Variants in ULK4 observed in about 807,000 individuals in gnomAD.
The protein encoded by ULK4 is inactive serine/threonine-protein kinase ULK4.
ULK4 carries 133 observed loss-of-function variants against 160.6 expected under a neutral mutation model. The ratio of observed to expected loss-of-function variants is 0.83; its 90% confidence interval spans 0.72 to 0.96. ULK4 has a LOEUF of 0.96. Ranked by LOEUF, ULK4 falls within the 40% of genes least tolerant of loss-of-function variation. ULK4 has a pLI of 0.00. For synonymous variants in ULK4, 534 were observed against 539.8 expected, an observed-to-expected ratio of 0.99 and a Z score of 0.15; for missense variants, 1,580 against 1,499.5, an observed-to-expected ratio of 1.05 and a Z score of -0.89.
intron 34 of ULK4, among the ~76,000 whole-genome samples, chr3:41,421,988 A>G (rs1259982084): frequency 2.0e-5 from 3 of 151,740 alleles, no homozygotes; most frequent in South Asian, 4.2e-4. Context: ...TTTTCTTTTG[A>G]TAAGAACTAA....
intron 35 of ULK4, among the ~76,000 whole-genome samples, chr3:41,281,754 C>T (rs1409510045): frequency 6.6e-6 from 1 of 152,186 alleles, no homozygotes; most frequent in Admixed American, 6.5e-5. Flanking sequence ...ACAAGGATGC[C>T]CTCTCTCACC....
At position 41,564,449 on chromosome 3, in the gene ULK4, CTTTTTTTT is replaced by C. The variant is rs71075476; in HGVS notation, c.3226+1568_3226+1575del. 2.2e-3 allele frequency among the ~76,000 whole-genome samples: 182 copies of C among 80,966 alleles called. No individual in the cohort carries two copies. In the Middle Eastern group the frequency reaches 0.027, roughly 12 times the overall value. The allele number at this position is 80,966 out of a possible 152,430, so 53.1% of individuals were successfully genotyped here. ...GACAGGGACGTTTCTTCTTCTTCTT[CTTTTTTTT>C]TTTTTTTTTTTTTTTTTTGAGACAG... On this transcript the variant is annotated intron_variant, in intron 32 of 36. Coordinates refer to ENST00000301831, the MANE Select transcript of ULK4 (RefSeq NM_017886.4).
At chr3:41,271,353 A>T (rs2079135144) in intron 35 of ULK4, among the ~76,000 whole-genome samples, 2 of 148,210 alleles carry the variant, frequency 1.3e-5, no homozygotes, top group Admixed American at 1.3e-4. Flanking sequence ...AACCATAATT[A>T]TTTTGAGATT....
chr3:41,720,084 T>A (rs1484579248), intron 22 of ULK4, among the ~76,000 whole-genome samples: 1 of 152,212 alleles, frequency 6.6e-6, no homozygotes, highest in Non-Finnish European at 1.5e-5. Context: ...TCTATGGTAC[T>A]GTCTCATAGC....
chr3:41,364,280 G>A (rs773623202), intron 35 of ULK4, among the ~76,000 whole-genome samples: 1 of 151,986 alleles, frequency 6.6e-6, no homozygotes, highest in Admixed American at 6.6e-5. Context: ...TTAACTATCC[G>A]GAAGGGCTCA....
chr3:41,958,514 CAACATGGTG>C (rs1248579733), intron 1 of ULK4, among the ~76,000 whole-genome samples: 1 of 142,966 alleles, frequency 7.0e-6, no homozygotes, highest in Admixed American at 7.0e-5. Context: ...CCAGGCTGGC[CAACATGGTG>C]AAACCTCATC....
chr3:41,577,741 A>T (rs1174654607), intron 31 of ULK4, among the ~76,000 whole-genome samples: 1 of 152,232 alleles, frequency 6.6e-6, no homozygotes, highest in Non-Finnish European at 1.5e-5. Flanking sequence ...GAATATAAAG[A>T]GGAGGGTCAG....
At chr3:41,770,020 T>C (rs2039300512) in intron 21 of ULK4, among the ~76,000 whole-genome samples, 1 of 152,208 alleles carries the variant, frequency 6.6e-6, no homozygotes, top group Non-Finnish European at 1.5e-5. Flanking sequence ...TCTAAAATTG[T>C]TTTTGGATTG....
At chr3:41,505,108 C>T (rs1462910981) in intron 32 of ULK4, among the ~76,000 whole-genome samples, 2 of 152,140 alleles carry the variant, frequency 1.3e-5, no homozygotes, top group Non-Finnish European at 2.9e-5. Context: ...AAGCTACTAT[C>T]TGCATATATA....
chr3:41,667,574 G>C (rs1054318377), intron 29 of ULK4, among the ~76,000 whole-genome samples: 3 of 152,146 alleles, frequency 2.0e-5, no homozygotes, highest in Non-Finnish European at 2.9e-5. Context: ...ATGGCCTCAG[G>C]GAAGACTAAC....
chr3:41,947,813 T>C (rs1184418054), intron 2 of ULK4, among the ~76,000 whole-genome samples: 1 of 152,150 alleles, frequency 6.6e-6, no homozygotes, highest in Non-Finnish European at 1.5e-5. Context: ...TCACCTTTCT[T>C]ACCAGATCAT....
intron 32 of ULK4, among the ~76,000 whole-genome samples, chr3:41,511,942 G>C (rs2125924728): frequency 6.6e-6 from 1 of 152,214 alleles, no homozygotes; most frequent in African/African-American, 2.4e-5. Context: ...CGATCAAGTG[G>C]GTTTCATACC....
intron 30 of ULK4, among the ~76,000 whole-genome samples, chr3:41,658,529 A>T (rs2035023935): frequency 6.6e-6 from 1 of 152,214 alleles, no homozygotes. Context: ...TTGTAACACC[A>T]AAAGATTAGG....
At chr3:41,694,859 C>T (rs77297996) in intron 27 of ULK4, among the ~76,000 whole-genome samples, 5,383 of 152,056 alleles carry the variant, frequency 0.035, 279 homozygotes, top group African/African-American at 0.12. Flanking sequence ...GGATGTGGAA[C>T]CTGTGGATAT....
chr3:41,489,526 C>A (rs1041702295), intron 32 of ULK4, among the ~76,000 whole-genome samples: 1 of 152,184 alleles, frequency 6.6e-6, no homozygotes, highest in South Asian at 2.1e-4. Flanking sequence ...TGCAATGAAC[C>A]AAGGTGCAAC....
intron 13 of ULK4, among the ~76,000 whole-genome samples, chr3:41,899,721 G>A (rs1698284388): frequency 6.6e-6 from 1 of 151,962 alleles, no homozygotes; most frequent in African/African-American, 2.4e-5. Context: ...GGACACCCCT[G>A]GTAAAGATAA....
intron 32 of ULK4, among the ~76,000 whole-genome samples, chr3:41,560,710 T>C (rs1030882460): frequency 9.2e-5 from 14 of 152,234 alleles, no homozygotes; most frequent in African/African-American, 2.9e-4. Flanking sequence ...TGCACATTGA[T>C]TTTGTATCCT....
intron 4 of ULK4, among the ~76,000 whole-genome samples, chr3:41,935,423 G>GT (rs1699742788): frequency 6.6e-6 from 1 of 151,760 alleles, no homozygotes; most frequent in Admixed American, 6.6e-5. Flanking sequence ...TTGAGATGGG[G>GT]TTTCACCATG....
At chr3:41,745,674 AGGAAAGAAGG>A (rs1013018513) in intron 22 of ULK4, among the ~76,000 whole-genome samples, 4 of 151,658 alleles carry the variant, frequency 2.6e-5, no homozygotes, top group Non-Finnish European at 5.9e-5. Context: ...TAATACTAAG[AGGAAAGAAGG>A]GAAGGAGGGA....
Sources: allele counts gnomAD v4.1 joint callset (sites outside exome capture counted in the v4.1 genomes callset), GRCh38; gene constraint gnomAD v4.1.1; transcripts MANE v1.5; gene names NCBI Gene and HGNC (gene_info 2026-07-23, HGNC 2026-07-21).